MYPN: variants seen among roughly 807,000 people sequenced by gnomAD.
The protein encoded by MYPN is myopalladin.
In MYPN, 63 loss-of-function variants were observed where a neutral mutation model predicts 129.4. That is an observed-to-expected ratio of 0.49 (90% CI 0.40 to 0.60). The LOEUF (loss-of-function observed/expected upper bound fraction) is 0.60. Ranked by LOEUF, MYPN falls within the 20% of genes least tolerant of loss-of-function variation. The pLI, the probability that MYPN is intolerant of heterozygous loss-of-function variation, is 0.00. For missense variants in MYPN, 1,596 were observed against 1,635.4 expected, an observed-to-expected ratio of 0.98 and a Z score of 0.42; for synonymous variants, 629 against 600.9, an observed-to-expected ratio of 1.05 and a Z score of -0.68.
chr10:68,161,003 T>C (rs767930218), intron 7 of MYPN, among the ~76,000 whole-genome samples: 5 of 152,198 alleles, frequency 3.3e-5, no homozygotes, highest in Non-Finnish European at 5.9e-5. Flanking sequence ...GTATAGTGTA[T>C]ATTTTATTAG....
intron 1 of MYPN, 108 bp from the exon 2 acceptor site, chr10:68,121,330 C>A (rs2042238085): frequency 9.5e-6 from 9 of 948,456 alleles, no homozygotes; most frequent in Admixed American, 2.7e-5. Flanking sequence ...TTAGGCAATT[C>A]TTTATTTTGA....
chr10:68,201,985 A>G lies in MYPN; in HGVS notation c.3650A>G (p.Glu1217Gly). 1 of 1,614,008 alleles carries G rather than the reference A, an allele frequency of 6.2e-7. No homozygotes were observed. The highest frequency in any genetic ancestry group is 1.1e-5 in the South Asian group (1 of 91,072). Residue 1217 changes from glutamate (E) to glycine (G), a missense_variant, in exon 18 of 20, where the codon GAG (glutamate) becomes GGG (glycine). Glu to Gly is a moderately conservative substitution (Grantham distance 98). Transcript: ENST00000358913. ...KDNETIPCTRERISMHQDTTG... is the reference protein window; with the variant it reads ...KDNETIPCTRGRISMHQDTTG... ...AATGAGACCATCCCTTGCACCAGAG[A>G]GAGGATCAGGTACAGCAGCCACCAC...
Position 68,201,897 on chromosome 10 carries a change from C to A in MYPN, c.3562C>A (p.Pro1188Thr), listed in dbSNP as rs746957713. The change falls in exon 18 of 20, where the codon CCC becomes ACC. Residue 1188 changes from proline (P) to threonine (T), a missense_variant. Pro to Thr is a conservative substitution (Grantham distance 38). Transcript: ENST00000358913. ...GAACTGCGGTGTTCCCGAAGGCCACCCCGTGAGACTGGAGTGCCGCGTGAT... is the reference window on the plus strand; with the variant it reads ...GAACTGCGGTGTTCCCGAAGGCCACACCGTGAGACTGGAGTGCCGCGTGAT... ...LQNCGVPEGHPVRLECRVIGM... is the reference protein window; with the variant it reads ...LQNCGVPEGHTVRLECRVIGM... The A allele has an allele frequency of 1.2e-6, 2 of 1,614,138 alleles. No homozygotes were observed. Among genetic ancestry groups the A allele is most frequent in the African/African-American group, 1.3e-5 (1 of 75,022 alleles).
In MYPN at chr10:68,173,186, C is replaced by T. The variant is rs537293012; in HGVS notation, c.1974-880C>T. ...CCTTATCTATAAAGGTTTGTTATCG[C>T]GAGAGAATGAGAAACCTCTCTGAGA... is the stretch of plus-strand genomic sequence containing the variant. On this transcript the variant is annotated intron_variant, in intron 10 of 19. Transcript: ENST00000358913. Among the ~76,000 whole-genome samples the T allele has an allele frequency of 2.0e-5, 3 of 152,270 alleles. No individual in the cohort carries two copies. The South Asian group carries it at 6.2e-4, about 32-fold the overall frequency.
At chr10:68,173,761 A>T (rs1202688402) in intron 10 of MYPN, among the ~76,000 whole-genome samples, 2 of 150,966 alleles carry the variant, frequency 1.3e-5, no homozygotes, top group Non-Finnish European at 3.0e-5. Flanking sequence ...CAATCCTCCC[A>T]CCACAGCCTC....
chr10:68,160,442 A>C (rs397833434), intron 7 of MYPN, among the ~76,000 whole-genome samples: 50 of 141,338 alleles, frequency 3.5e-4, no homozygotes, highest in Admixed American at 7.6e-4. Context: ...AAAAAAAAAA[A>C]AAAAAAAAAA....
chr10:68,187,432 C>T (rs2043439821), intron 12 of MYPN, among the ~76,000 whole-genome samples: 1 of 151,884 alleles, frequency 6.6e-6, no homozygotes, highest in African/African-American at 2.4e-5. Context: ...TTTTACTTTA[C>T]AAAAGTGCAG....
upstream of MYPN, among the ~76,000 whole-genome samples, chr10:68,101,285 G>A (rs554340703): frequency 6.6e-6 from 1 of 152,312 alleles, no homozygotes; most frequent in African/African-American, 2.4e-5. Context: ...GTGAACAAAG[G>A]CACGAAGTAA....
chr10:68,211,279 A>G lies in MYPN; in HGVS notation c.*824A>G. 2.2e-6 allele frequency: 1 copy of G among 454,064 alleles called. No individual in the cohort carries two copies. The highest frequency in any genetic ancestry group is 1.6e-5 in the South Asian group (1 of 64,460). 28.1% of individuals were successfully genotyped at this position (454,064 alleles called of 1,614,324 possible). On this transcript the variant is annotated 3_prime_UTR_variant, in exon 20 of 20. Coordinates refer to ENST00000358913, the MANE Select transcript of MYPN (RefSeq NM_032578.4). ...GTCACTTTAAAAACTACTAGCTTCA[A>G]CTACCACTTACAAAATGTGCAAGAG...
chr10:68,163,778 C>T (rs2255381), intron 8 of MYPN, among the ~76,000 whole-genome samples: 88,110 of 152,036 alleles, frequency 0.58, 27,621 homozygotes, highest in Non-Finnish European at 0.69. Flanking sequence ...TCTAGTGCTA[C>T]GTGACTTTTA....
upstream of MYPN, among the ~76,000 whole-genome samples, chr10:68,105,615 A>G (rs1254340228): frequency 6.6e-6 from 1 of 152,224 alleles, no homozygotes; most frequent in Non-Finnish European, 1.5e-5. Context: ...TACCAAAAGA[A>G]CAAGTAAAGG....
At chr10:68,158,443 T>G (rs2042917804) in intron 6 of MYPN, 43 bp from the exon 7 acceptor site, 18 of 1,579,994 alleles carry the variant, frequency 1.1e-5, no homozygotes, top group Non-Finnish European at 1.6e-5. Flanking sequence ...ATTACAAAAA[T>G]GTGTACTTTT....
intron 12 of MYPN, among the ~76,000 whole-genome samples, chr10:68,184,191 C>G (rs574759496): frequency 7.2e-5 from 11 of 152,144 alleles, no homozygotes; most frequent in Admixed American, 5.9e-4. Flanking sequence ...ACGTAATATC[C>G]TGATACAAAG....
In MYPN at chr10:68,189,031, G is replaced by C; in HGVS notation, c.2830G>C (p.Ala944Pro). ...TGAGATCCCCACGGGCAAGTGTATT[G>C]CTCCCATCTTTGACAAGAGACTCAA... ...HDEIPTGKCI[A>P]PIFDKRLKHF... The change falls in exon 13 of 20, where the codon GCT (alanine) becomes CCT (proline). Residue 944 changes from alanine to proline, a missense_variant. Ala to Pro is a conservative substitution (Grantham distance 27). Coordinates refer to ENST00000358913, the MANE Select transcript of MYPN (RefSeq NM_032578.4). 6.2e-7 allele frequency: 1 copy of C among 1,614,090 alleles called. No homozygotes were observed. The highest frequency in any genetic ancestry group is 8.5e-7 in the Non-Finnish European group (1 of 1,180,008).
intron 8 of MYPN, among the ~76,000 whole-genome samples, chr10:68,165,229 G>A (rs1280944400): frequency 1.3e-5 from 2 of 152,206 alleles, no homozygotes; most frequent in African/African-American, 4.8e-5. Flanking sequence ...AAGGCGGGCA[G>A]ATCACCTGAG....
At chr10:68,113,696 C>CAAA (rs565475209) in intron 1 of MYPN, among the ~76,000 whole-genome samples, 3 of 127,394 alleles carry the variant, frequency 2.4e-5, no homozygotes, top group African/African-American at 8.7e-5. Context: ...GATCTTGCCT[C>CAAA]AAAAAAAAAA....
chr10:68,193,636 T>C (rs1477904421), intron 13 of MYPN, among the ~76,000 whole-genome samples: 1 of 152,172 alleles, frequency 6.6e-6, no homozygotes, highest in Non-Finnish European at 1.5e-5. Flanking sequence ...ATCTCTCTGC[T>C]CTACTTTCAT....
At chr10:68,144,637 G>C (rs12355031) in intron 3 of MYPN, among the ~76,000 whole-genome samples, 1 of 151,960 alleles carries the variant, frequency 6.6e-6, no homozygotes, top group Non-Finnish European at 1.5e-5. Context: ...AGATTGGATT[G>C]CTGGGTTTTT....
intron 1 of MYPN, among the ~76,000 whole-genome samples, chr10:68,113,814 C>T (rs1438742992): frequency 2.0e-5 from 3 of 151,944 alleles, no homozygotes; most frequent in African/African-American, 7.2e-5. Flanking sequence ...TAATGTTTTG[C>T]TGTATGTATA....
Sources: allele counts gnomAD v4.1 joint callset (sites outside exome capture counted in the v4.1 genomes callset), GRCh38; gene constraint gnomAD v4.1.1; transcripts MANE v1.5; gene names NCBI Gene and HGNC (gene_info 2026-07-23, HGNC 2026-07-21).